KCTD21: variants seen among roughly 807,000 people sequenced by gnomAD.
KCTD21 encodes potassium channel tetramerization domain containing 21, also known as BTB/POZ domain-containing protein KCTD21.
In KCTD21, 9 loss-of-function variants were observed where a neutral mutation model predicts 13.2. That is an observed-to-expected ratio of 0.68 (90% CI 0.41 to 1.19). KCTD21 has a LOEUF of 1.19. KCTD21 is among the 50% of genes most tolerant of loss of function. The pLI, the probability that KCTD21 is intolerant of heterozygous loss-of-function variation, is 0.01. For missense variants in KCTD21, 303 were observed against 336.5 expected, an observed-to-expected ratio of 0.90 and a Z score of 0.78; for synonymous variants, 142 against 137.4, an observed-to-expected ratio of 1.03 and a Z score of -0.23.
At chr11:78,188,407 G>T (rs1019988521) in intron 1 of KCTD21, 166 bp downstream of exon 1, 34 of 985,210 alleles carry the variant, frequency 3.5e-5, no homozygotes, top group Non-Finnish European at 3.6e-5. Flanking sequence ...ACCTCGCTCC[G>T]AAACGCGCCC....
At chr11:78,186,046 A>G (rs1318497923) in intron 1 of KCTD21, among the ~76,000 whole-genome samples, 2 of 151,828 alleles carry the variant, frequency 1.3e-5, no homozygotes, top group Admixed American at 6.6e-5. Flanking sequence ...AAGAGAGGCC[A>G]CTCCTGGGCC....
chr11:78,175,284 C>T (rs1862417375), intron 1 of KCTD21: 1 of 147,176 alleles, frequency 6.8e-6, no homozygotes, highest in Admixed American at 7.0e-5. Context: ...GACTGAACAA[C>T]TGCACTCCAG....
chr11:78,171,480 A>C lies in KCTD21; in HGVS notation c.*2292T>G, dbSNP rs1490996049. 6.6e-6 allele frequency: 1 copy of C among 152,658 alleles called. No individual in the cohort carries two copies. Among genetic ancestry groups the C allele is most frequent in the Non-Finnish European group, 1.5e-5 (1 of 68,042 alleles). 9.5% of individuals were successfully genotyped at this position (152,658 alleles called of 1,614,324 possible). ...CTGCTTGGATTAGGGAGCACCGAAA[A>C]GATGGACAGTTTTATGGAAAAGGAG... is the stretch of plus-strand genomic sequence containing the variant. On this transcript the variant is annotated 3_prime_UTR_variant, in exon 2 of 2. Transcript: ENST00000340067.
chr11:78,185,208 A>T (rs996857703), intron 1 of KCTD21, among the ~76,000 whole-genome samples: 1 of 152,192 alleles, frequency 6.6e-6, no homozygotes. Context: ...TTGGGCCAAA[A>T]AAGTGTGTGT....
rs1458887128 is a variant in KCTD21, at chr11:78,173,910, C to T, written c.645G>A (p.Lys215=). Residue 215 remains lysine (K), a synonymous_variant, in exon 2 of 2, where the codon AAG becomes AAA. Coordinates refer to ENST00000340067, the MANE Select transcript of KCTD21 (RefSeq NM_001029859.3). The part of the protein sequence containing the change: ...LKRLWVVPAN[K]QINSFQVFVE... ...CGAAGACCTGGAAGCTGTTGATCTG[C>T]TTGTTGGCGGGCACCACCCAGAGCC... 2 of 1,614,056 alleles carry T rather than the reference C, an allele frequency of 1.2e-6. No homozygotes were observed. Among genetic ancestry groups the T allele is most frequent in the Admixed American group, 1.7e-5 (1 of 60,006 alleles).
In KCTD21 at chr11:78,171,325, G is replaced by A. The variant is rs1862275680; in HGVS notation, c.*2447C>T. ...CACAACAGCCCTGTGAGGTAGGTAGGGTTATGTATTACTGTTATGCCTATT... is the reference window on the plus strand; with the variant it reads ...CACAACAGCCCTGTGAGGTAGGTAGAGTTATGTATTACTGTTATGCCTATT... On this transcript the variant is annotated 3_prime_UTR_variant, in exon 2 of 2. Coordinates refer to ENST00000340067, the MANE Select transcript of KCTD21 (RefSeq NM_001029859.3). The A allele has an allele frequency of 6.6e-6, 1 of 152,612 alleles. No homozygotes were observed. The highest frequency in any genetic ancestry group is 6.5e-5 in the Admixed American group (1 of 15,270). The allele number at this position is 152,612 out of a possible 1,614,324, so 9.5% of individuals were successfully genotyped here. A position where few individuals can be genotyped will look rare whatever the true frequency, so the allele number is the denominator to read the frequency against.
At chr11:78,187,713 G>C (rs917014576) in intron 1 of KCTD21, 3 of 985,296 alleles carry the variant, frequency 3.0e-6, no homozygotes, top group Admixed American at 6.1e-5. Context: ...CAGTACTATA[G>C]GAGGGCTGCC....
intron 1 of KCTD21, chr11:78,187,683 T>C (rs1298562649): frequency 2.0e-6 from 2 of 985,304 alleles, no homozygotes; most frequent in Non-Finnish European, 2.4e-6. Flanking sequence ...TGCTTTCAAA[T>C]CCATCTCATT....
chr11:78,182,778 G>A (rs940899313), intron 1 of KCTD21, among the ~76,000 whole-genome samples: 2 of 152,082 alleles, frequency 1.3e-5, no homozygotes, highest in Admixed American at 1.3e-4. Flanking sequence ...AGACGTCTTC[G>A]GCAGGAAGCT....
intron 1 of KCTD21, among the ~76,000 whole-genome samples, chr11:78,180,185 A>G (rs955198651): frequency 6.6e-6 from 1 of 152,228 alleles, no homozygotes; most frequent in Non-Finnish European, 1.5e-5. Flanking sequence ...AAACCATTAA[A>G]AACATCAATA....
At chr11:78,182,303 C>G (rs944356356) in intron 1 of KCTD21, among the ~76,000 whole-genome samples, 1 of 142,336 alleles carries the variant, frequency 7.0e-6, no homozygotes, top group Non-Finnish European at 1.5e-5. Context: ...AAGCACCCCC[C>G]CCCCCTCAAA....
intron 1 of KCTD21, among the ~76,000 whole-genome samples, chr11:78,184,079 T>A: frequency 6.6e-6 from 1 of 152,340 alleles, no homozygotes; most frequent in East Asian, 1.9e-4. Context: ...CAGGAACACA[T>A]AATTATAACA....
chr11:78,179,322 C>T lies in KCTD21; in HGVS notation c.-29-4739G>A, dbSNP rs186192247. On this transcript the variant is annotated intron_variant, in intron 1 of 1. Transcript: ENST00000340067. ...AGTGTGGGGATTACCACGTCTGCCCCTCTGCTACTTTGTTCAAAACGCCAA... is the reference window on the plus strand; with the variant it reads ...AGTGTGGGGATTACCACGTCTGCCCTTCTGCTACTTTGTTCAAAACGCCAA... Among the ~76,000 whole-genome samples the T allele has an allele frequency of 8.6e-5, 13 of 152,010 alleles. No individual in the cohort carries two copies. In the East Asian group the frequency reaches 2.5e-3, roughly 29 times the overall value.
At chr11:78,185,045 T>C (rs565071397) in intron 1 of KCTD21, among the ~76,000 whole-genome samples, 5 of 152,346 alleles carry the variant, frequency 3.3e-5, no homozygotes, top group Admixed American at 6.5e-5. Flanking sequence ...GCAGAAAATT[T>C]TGAATAACTA....
At chr11:78,175,721 T>C (rs1862432543) in intron 1 of KCTD21, among the ~76,000 whole-genome samples, 1 of 152,016 alleles carries the variant, frequency 6.6e-6, no homozygotes, top group Middle Eastern at 3.4e-3. Context: ...GACAATCCTG[T>C]TTTTTTTAAA....
intron 1 of KCTD21, chr11:78,186,624 T>C (rs1379371248): frequency 2.3e-6 from 2 of 858,530 alleles, no homozygotes; most frequent in African/African-American, 3.7e-5. Context: ...CTAGGCACTC[T>C]ATACATGTTA....
At chr11:78,177,357 G>A (rs775388248) in intron 1 of KCTD21, among the ~76,000 whole-genome samples, 7 of 152,196 alleles carry the variant, frequency 4.6e-5, no homozygotes, top group Admixed American at 6.5e-5. Flanking sequence ...ATACGAAATC[G>A]TCAGTAGAAG....
intron 1 of KCTD21, among the ~76,000 whole-genome samples, chr11:78,185,640 G>A (rs533527357): frequency 6.6e-6 from 1 of 151,858 alleles, no homozygotes; most frequent in Admixed American, 6.6e-5. Flanking sequence ...CACCCAGTTT[G>A]GAGTGCAGTG....
intron 1 of KCTD21, chr11:78,187,320 C>A (rs905307450): frequency 4.1e-6 from 4 of 985,312 alleles, no homozygotes; most frequent in Non-Finnish European, 1.2e-6. Context: ...TTCTGTCTTG[C>A]CCAGTCCATA....
Sources: allele counts gnomAD v4.1 joint callset (sites outside exome capture counted in the v4.1 genomes callset), GRCh38; gene constraint gnomAD v4.1.1; transcripts MANE v1.5; gene names NCBI Gene and HGNC (gene_info 2026-07-23, HGNC 2026-07-21).